DTD1: variants seen among roughly 807,000 people sequenced by gnomAD.
DTD1 encodes D-aminoacyl-tRNA deacylase 1.
A neutral mutation model predicts 25.6 loss-of-function variants in DTD1; 13 were observed. The observed-to-expected ratio is 0.51, with a 90% CI of 0.33 to 0.81. The LOEUF (loss-of-function observed/expected upper bound fraction) is 0.81, where lower values mean the gene tolerates loss of function less well. DTD1 is among the 30% of genes least tolerant of loss of function. The pLI is 0.02. For missense variants in DTD1, 193 were observed against 266.4 expected (o/e 0.72, Z 1.92); for synonymous variants, 110 against 103.6 (o/e 1.06, Z -0.37).
intron 3 of DTD1, among the ~76,000 whole-genome samples, chr20:18,623,961 G>C (rs2060747135): frequency 6.7e-6 from 1 of 150,190 alleles, no homozygotes; most frequent in African/African-American, 2.4e-5. Flanking sequence ...AGGGACTATG[G>C]CTCTTGTCAT....
At chr20:18,743,385 G>T (rs1377524875) in intron 4 of DTD1, among the ~76,000 whole-genome samples, 1 of 152,184 alleles carries the variant, frequency 6.6e-6, no homozygotes, top group African/African-American at 2.4e-5. Flanking sequence ...AGAGTAATGT[G>T]TTTTGAACAT....
At chr20:18,628,287 T>C in intron 4 of DTD1, 54 bp downstream of exon 4, 3 of 1,433,440 alleles carry the variant, frequency 2.1e-6, no homozygotes, top group Non-Finnish European at 2.9e-6. Flanking sequence ...GTAACATCCC[T>C]TTAGTCCCTG....
At position 18,622,942 on chromosome 20, in the gene DTD1, A is replaced by ATTTTTTTTTTTTTTTTTT. The variant is rs771564529; in HGVS notation, c.371-5173_371-5172insTTTTTTTTTTTTTTTTTT. ...ACTTATTAGAAGACAATTTTATAGA[A>ATTTTTTTTTTTTTTTTTT]TTTTTTTTTTTTGTCTGAGATGGAG... is the stretch of plus-strand genomic sequence containing the variant. On this transcript the variant is annotated intron_variant, in intron 3 of 5. Transcript: ENST00000377452. 2.8e-3 allele frequency among the ~76,000 whole-genome samples: 369 copies of ATTTTTTTTTTTTTTTTTT among 129,670 alleles called. 2 individuals carry two copies. The highest frequency in any genetic ancestry group is 3.8e-3 in the Non-Finnish European group (236 of 61,400). The allele number at this position is 129,670 out of a possible 152,430, so 85.1% of individuals were successfully genotyped here. A position where few individuals can be genotyped will look rare whatever the true frequency, so the allele number is the denominator to read the frequency against.
chr20:18,589,357 CAACA>C (rs909872483), intron 1 of DTD1, among the ~76,000 whole-genome samples: 2 of 147,154 alleles, frequency 1.4e-5, no homozygotes, highest in African/African-American at 5.0e-5. Context: ...TCTCAAAAAA[CAACA>C]AACAAACAAA....
At chr20:18,641,880 C>T (rs544883503) in intron 4 of DTD1, among the ~76,000 whole-genome samples, 35 of 152,146 alleles carry the variant, frequency 2.3e-4, no homozygotes, top group Middle Eastern at 3.4e-3. Flanking sequence ...AAATCCAATT[C>T]GTCTGTTTTT....
intron 4 of DTD1, chr20:18,643,090 T>A (rs1259862615): frequency 6.1e-6 from 1 of 164,140 alleles, no homozygotes; most frequent in Non-Finnish European, 1.3e-5. Flanking sequence ...TAATTTTGTA[T>A]TTTTAGTAGA....
intron 4 of DTD1, among the ~76,000 whole-genome samples, chr20:18,648,663 T>C (rs1461709430): frequency 6.6e-6 from 1 of 152,124 alleles, no homozygotes; most frequent in East Asian, 1.9e-4. Flanking sequence ...TTTTCTATTT[T>C]AAGTCATTAT....
intron 4 of DTD1, among the ~76,000 whole-genome samples, chr20:18,666,528 G>T (rs1244173080): frequency 4.6e-5 from 7 of 152,104 alleles, no homozygotes; most frequent in African/African-American, 1.7e-4. Context: ...TTTTTAGTGT[G>T]TGTCCCTTGC....
intron 4 of DTD1, among the ~76,000 whole-genome samples, chr20:18,652,222 C>T (rs6136453): frequency 0.48 from 73,715 of 152,168 alleles, 18,312 homozygotes; most frequent in Middle Eastern, 0.55. Context: ...TTATATACCC[C>T]GTCCTTGAAA....
intron 4 of DTD1, among the ~76,000 whole-genome samples, chr20:18,640,377 TA>T (rs1479464965): frequency 6.6e-6 from 1 of 152,152 alleles, no homozygotes; most frequent in African/African-American, 2.4e-5. Flanking sequence ...TAAGATACAC[TA>T]AAAATATTTT....
intron 3 of DTD1, among the ~76,000 whole-genome samples, chr20:18,612,386 G>T (rs1289746230): frequency 6.6e-6 from 1 of 151,984 alleles, no homozygotes; most frequent in African/African-American, 2.4e-5. Flanking sequence ...TACCTCTGTT[G>T]AGGGCTTGTT....
Position 18,765,381 on chromosome 20 carries a change from A to G in DTD1, c.*2041A>G, listed in dbSNP as rs945705174. 2.6e-5 allele frequency: 4 copies of G among 152,232 alleles called. No homozygotes were observed. The highest frequency in any genetic ancestry group is 7.2e-5 in the African/African-American group (3 of 41,460). 9.4% of individuals were successfully genotyped at this position (152,232 alleles called of 1,614,324 possible). Reference sequence around the variant, plus strand: ...GTGTTTGAGCAGAAATTCTGAGCCTATATGTGTGAGGGGGGATCTTTGATT... The same window carrying G: ...GTGTTTGAGCAGAAATTCTGAGCCTGTATGTGTGAGGGGGGATCTTTGATT... On this transcript the variant is annotated 3_prime_UTR_variant, in exon 6 of 6. Coordinates refer to ENST00000377452, the MANE Select transcript of DTD1 (RefSeq NM_080820.6).
chr20:18,636,853 T>A (rs1008992185), intron 4 of DTD1, among the ~76,000 whole-genome samples: 4 of 151,980 alleles, frequency 2.6e-5, no homozygotes, highest in Non-Finnish European at 5.9e-5. Context: ...TATCCAGGGG[T>A]TGGTGGTAGT....
chr20:18,697,603 C>T (rs747141096), intron 4 of DTD1, among the ~76,000 whole-genome samples: 15 of 152,186 alleles, frequency 9.9e-5, no homozygotes, highest in Non-Finnish European at 1.6e-4. Flanking sequence ...CTTTCAGGAT[C>T]GTGTCTGTTC....
intron 3 of DTD1, among the ~76,000 whole-genome samples, chr20:18,609,738 A>T (rs1311777137): frequency 6.6e-6 from 1 of 152,168 alleles, no homozygotes; most frequent in Admixed American, 6.5e-5. Flanking sequence ...TGAACAGAAC[A>T]TTCCCACCTT....
chr20:18,721,554 A>C (rs1007085644), intron 4 of DTD1, among the ~76,000 whole-genome samples: 1 of 152,166 alleles, frequency 6.6e-6, no homozygotes, highest in Non-Finnish European at 1.5e-5. Flanking sequence ...TTGAATTAAT[A>C]TTATCCTCAT....
At chr20:18,730,063 C>A (rs1349496830) in intron 4 of DTD1, among the ~76,000 whole-genome samples, 2 of 152,108 alleles carry the variant, frequency 1.3e-5, no homozygotes, top group Non-Finnish European at 2.9e-5. Context: ...GACTCTTGTA[C>A]TCTTCCCCAA....
chr20:18,685,095 G>T (rs761463327), intron 4 of DTD1, among the ~76,000 whole-genome samples: 5 of 152,038 alleles, frequency 3.3e-5, no homozygotes, highest in Non-Finnish European at 5.9e-5. Context: ...AAGAAACGGG[G>T]TCTCACTGTA....
intron 4 of DTD1, among the ~76,000 whole-genome samples, chr20:18,690,286 T>A (rs2122433377): frequency 6.6e-6 from 1 of 152,304 alleles, no homozygotes; most frequent in African/African-American, 2.4e-5. Flanking sequence ...TTTCTCCCAT[T>A]CTATAGGTTA....
Sources: gnomAD v4.1 joint callset for allele counts (sites outside exome capture counted in the v4.1 genomes callset) on GRCh38, gnomAD v4.1.1 for gene constraint, MANE v1.5 for transcripts, NCBI Gene and HGNC (gene_info 2026-07-23, HGNC 2026-07-21) for gene names.